Variants in CHIC2 observed in about 807,000 individuals in gnomAD.
The protein encoded by CHIC2 is cysteine-rich hydrophobic domain-containing protein 2.
A neutral mutation model predicts 25.9 loss-of-function variants in CHIC2; 14 were observed. That is an observed-to-expected ratio of 0.54 (90% CI 0.36 to 0.85). The LOEUF (loss-of-function observed/expected upper bound fraction) is 0.85. CHIC2 is among the 40% of genes least tolerant of loss of function. The pLI, the probability that CHIC2 is intolerant of heterozygous loss-of-function variation, is 0.01. For missense variants in CHIC2, 146 were observed against 202.0 expected, an observed-to-expected ratio of 0.72 and a Z score of 1.68; for synonymous variants, 70 against 72.0, an observed-to-expected ratio of 0.97 and a Z score of 0.14.
the CHIC2 span, among the ~76,000 whole-genome samples, chr4:54,091,219 C>G: frequency 6.6e-6 from 1 of 152,188 alleles, no homozygotes; most frequent in African/African-American, 2.4e-5. Context: ...CCCGCCCACT[C>G]CTTTCTGGCT....
rs200957635 is a variant in CHIC2 at position 54,061,741 on chromosome 4, T to TA, written c.119+2440dup. On this transcript the variant is annotated intron_variant, in intron 1 of 5. Coordinates refer to ENST00000263921, the MANE Select transcript of CHIC2 (RefSeq NM_012110.4). ...GGAATTATGCATGACAGAGCCATGT[T>TA]AAAAAAAAAAGTTTTCTATTATTAC... is the stretch of plus-strand genomic sequence containing the variant. Among the ~76,000 whole-genome samples the TA allele has an allele frequency of 1.7e-3, 257 of 149,298 alleles. 1 individual carries two copies. In the South Asian group the frequency reaches 0.025, roughly 15 times the overall value.
chr4:54,047,330 C>A (rs1455947159), intron 3 of CHIC2, among the ~76,000 whole-genome samples: 1 of 152,096 alleles, frequency 6.6e-6, no homozygotes, highest in African/African-American at 2.4e-5. Flanking sequence ...AATCATGCTG[C>A]TATAAAGACA....
At chr4:54,031,783 C>A (rs1716236187) in intron 3 of CHIC2, among the ~76,000 whole-genome samples, 1 of 151,930 alleles carries the variant, frequency 6.6e-6, no homozygotes, top group Non-Finnish European at 1.5e-5. Context: ...CCACGCCCAG[C>A]TAATTTTTGT....
chr4:54,068,889 G>A (rs918237911), upstream of CHIC2, among the ~76,000 whole-genome samples: 2 of 152,134 alleles, frequency 1.3e-5, no homozygotes, highest in Admixed American at 6.5e-5. Flanking sequence ...GCTATAAATT[G>A]GGGTTCCCAC....
At chr4:54,037,442 T>C (rs1488077757) in intron 3 of CHIC2, among the ~76,000 whole-genome samples, 1 of 152,044 alleles carries the variant, frequency 6.6e-6, no homozygotes, top group Non-Finnish European at 1.5e-5. Flanking sequence ...AAAAAGCAAA[T>C]TAATCTATAG....
rs957665279 is a variant in CHIC2, at chr4:54,049,199, A to G, written c.174+52T>C. Reference sequence around the variant, plus strand: ...GCATACTTTTTTCTAATTTTCTCAGAAAAAAACTTTCATTTTGAGGCATAC... The same window carrying G: ...GCATACTTTTTTCTAATTTTCTCAGGAAAAAACTTTCATTTTGAGGCATAC... On this transcript the variant is annotated intron_variant, in intron 2 of 5. Coordinates refer to ENST00000263921, the MANE Select transcript of CHIC2 (RefSeq NM_012110.4). 1.3e-5 allele frequency: 21 copies of G among 1,568,428 alleles called. No individual in the cohort carries two copies. In the Middle Eastern group the frequency reaches 5.1e-4, roughly 38 times the overall value.
At chr4:54,038,557 A>C (rs537996112) in intron 3 of CHIC2, among the ~76,000 whole-genome samples, 1 of 152,362 alleles carries the variant, frequency 6.6e-6, no homozygotes, top group Non-Finnish European at 1.5e-5. Context: ...TCTCCAATTC[A>C]TCTGTAAATT....
intron 3 of CHIC2, among the ~76,000 whole-genome samples, chr4:54,033,561 G>C (rs949000422): frequency 3.3e-5 from 5 of 152,136 alleles, no homozygotes; most frequent in Non-Finnish European, 5.9e-5. Context: ...TTCTTTTAGG[G>C]ATTGTGCTGC....
chr4:54,077,202 C>A, the CHIC2 span, among the ~76,000 whole-genome samples: 2 of 152,166 alleles, frequency 1.3e-5, no homozygotes, highest in African/African-American at 4.8e-5. Flanking sequence ...CGTTTTCATG[C>A]TGTTATAATC....
intron 5 of CHIC2, among the ~76,000 whole-genome samples, chr4:54,013,298 C>T (rs964639229): frequency 2.0e-5 from 3 of 152,098 alleles, no homozygotes. Context: ...AACAAGTAAA[C>T]ACAAGATGAT....
At chr4:54,059,637 A>C (rs552255434) in intron 1 of CHIC2, 1 of 151,968 alleles carries the variant, frequency 6.6e-6, no homozygotes, top group Non-Finnish European at 1.5e-5. Context: ...ACCAGATTTC[A>C]TTTTTTAAAA....
chr4:54,047,523 A>G lies in CHIC2; in HGVS notation c.330+1432T>C, dbSNP rs540805423. 3.6e-3 allele frequency among the ~76,000 whole-genome samples: 549 copies of G among 152,102 alleles called. 4 individuals are homozygous for G. Among genetic ancestry groups the G allele is most frequent in the Non-Finnish European group, 6.2e-3 (419 of 67,998 alleles). On this transcript the variant is annotated intron_variant, in intron 3 of 5. Transcript: ENST00000263921. ...AAGGACATGGATGAAGCTGGAAACC[A>G]TCATTCTCAGCAAACTATCGCAAGG... is the stretch of plus-strand genomic sequence containing the variant.
chr4:54,065,307 G>T, upstream of CHIC2: 1 of 984,626 alleles, frequency 1.0e-6, no homozygotes, highest in Non-Finnish European at 1.2e-6. Flanking sequence ...AAATTACCTG[G>T]ATTCCATATT....
At chr4:54,021,713 G>A (rs1473130436) in intron 3 of CHIC2, among the ~76,000 whole-genome samples, 2 of 151,786 alleles carry the variant, frequency 1.3e-5, no homozygotes, top group Admixed American at 6.6e-5. Context: ...ATATAAAAAC[G>A]CAGCCCAGTC....
chr4:54,078,627 G>A, the CHIC2 span, among the ~76,000 whole-genome samples: 1 of 151,774 alleles, frequency 6.6e-6, no homozygotes, highest in Non-Finnish European at 1.5e-5. Context: ...GCGATTATCT[G>A]GCCTCAGCCT....
chr4:54,055,290 C>T (rs1717141142), intron 1 of CHIC2, among the ~76,000 whole-genome samples: 1 of 151,928 alleles, frequency 6.6e-6, no homozygotes, highest in South Asian at 2.1e-4. Flanking sequence ...ATACATTAAG[C>T]GTAAGGCAGA....
chr4:54,021,049 T>TA (rs746460524), intron 3 of CHIC2, among the ~76,000 whole-genome samples: 1 of 152,080 alleles, frequency 6.6e-6, no homozygotes, highest in Non-Finnish European at 1.5e-5. Flanking sequence ...CCTTCTTCAC[T>TA]ATGGGCAACC....
intron 5 of CHIC2, among the ~76,000 whole-genome samples, chr4:54,012,059 CAAAT>C (rs1010074544): frequency 6.6e-6 from 1 of 151,816 alleles, no homozygotes; most frequent in Non-Finnish European, 1.5e-5. Context: ...TCAACTATCA[CAAAT>C]ATATATATAT....
chr4:54,063,594 T>A (rs1717401373), intron 1 of CHIC2, among the ~76,000 whole-genome samples: 1 of 152,246 alleles, frequency 6.6e-6, no homozygotes, highest in South Asian at 2.1e-4. Flanking sequence ...GTTGTTGTTG[T>A]AAACATATTT....
Sources: allele counts gnomAD v4.1 joint callset (sites outside exome capture counted in the v4.1 genomes callset), GRCh38; gene constraint gnomAD v4.1.1; transcripts MANE v1.5; gene names NCBI Gene and HGNC (gene_info 2026-07-23, HGNC 2026-07-21).